PLS1: variants seen among roughly 807,000 people sequenced by gnomAD.
PLS1 encodes the protein plastin-1.
PLS1 carries 32 observed loss-of-function variants against 73.7 expected under a neutral mutation model. The observed-to-expected ratio is 0.43, with a 90% CI of 0.33 to 0.58. The LOEUF is 0.58. PLS1 is among the 20% of genes least tolerant of loss of function. The pLI is 0.04. For missense variants in PLS1, 633 were observed against 740.5 expected, an observed-to-expected ratio of 0.85 and a Z score of 1.68; for synonymous variants, 217 against 261.3, an observed-to-expected ratio of 0.83 and a Z score of 1.63.
chr3:142,694,420 C>G (rs369648536), intron 10 of PLS1, 49 bp from the exon 11 acceptor site: 2 of 1,176,426 alleles, frequency 1.7e-6, no homozygotes, highest in Non-Finnish European at 2.5e-6. Context: ...CATATAGTTC[C>G]TGGTTCCTTT....
intron 6 of PLS1, among the ~76,000 whole-genome samples, chr3:142,679,075 T>C (rs1485454993): frequency 2.6e-5 from 4 of 151,256 alleles, no homozygotes; most frequent in Admixed American, 6.6e-5. Context: ...TGTCTTCTTT[T>C]GAGAAGTGTC....
intron 1 of PLS1, among the ~76,000 whole-genome samples, chr3:142,651,959 A>G (rs570481350): frequency 6.6e-6 from 1 of 152,174 alleles, no homozygotes; most frequent in South Asian, 2.1e-4. Context: ...CACACTTCTG[A>G]CTTCCTGCCT....
At chr3:142,609,323 C>T (rs548135544) in intron 1 of PLS1, among the ~76,000 whole-genome samples, 1 of 152,296 alleles carries the variant, frequency 6.6e-6, no homozygotes, top group African/African-American at 2.4e-5. Context: ...GGGCAGCTCA[C>T]CTATATGCAA....
At chr3:142,635,220 T>G (rs558643824) in intron 1 of PLS1, among the ~76,000 whole-genome samples, 2 of 150,364 alleles carry the variant, frequency 1.3e-5, no homozygotes, top group Admixed American at 6.6e-5. Flanking sequence ...AGAAAGGAGA[T>G]AAAATGGAAT....
intron 11 of PLS1, among the ~76,000 whole-genome samples, chr3:142,696,648 C>A (rs949049219): frequency 2.6e-5 from 4 of 151,268 alleles, no homozygotes; most frequent in African/African-American, 9.7e-5. Flanking sequence ...TTTCTATGAC[C>A]AGTTCGTTCT....
chr3:142,669,072 G>A (rs371600856), intron 2 of PLS1, among the ~76,000 whole-genome samples: 1 of 151,916 alleles, frequency 6.6e-6, no homozygotes, highest in East Asian at 1.9e-4. Flanking sequence ...TAAGAGATGG[G>A]GTCTCACTCT....
chr3:142,671,197 A>G (rs2037597674), intron 4 of PLS1, 75 bp downstream of exon 4: 2 of 1,273,864 alleles, frequency 1.6e-6, no homozygotes, highest in Non-Finnish European at 2.3e-6. Flanking sequence ...CAGTTCTAAG[A>G]TGCCACTCAT....
intron 10 of PLS1, among the ~76,000 whole-genome samples, chr3:142,690,935 A>G (rs919135294): frequency 6.6e-6 from 1 of 152,108 alleles, no homozygotes; most frequent in Non-Finnish European, 1.5e-5. Context: ...GAAGGCGCCA[A>G]TCTTAAGATT....
intron 12 of PLS1, among the ~76,000 whole-genome samples, chr3:142,700,279 A>G (rs1329355445): frequency 1.3e-5 from 2 of 151,982 alleles, no homozygotes; most frequent in Non-Finnish European, 2.9e-5. Context: ...AAGCTGCACC[A>G]TTAAAATAGC....
In PLS1 at chr3:142,703,956, G is replaced by C; in HGVS notation, c.1460G>C (p.Gly487Ala). ...ATTGCTGGGCAGGACCTAAATGAAG[G>C]GAATTCAACACTTACCCTGGCATTG... The part of the protein sequence containing the change: ...VGIAGQDLNE[G>A]NSTLTLALVW... Residue 487 changes from glycine to alanine, a missense_variant, in exon 13 of 16, where the codon GGG (glycine) becomes GCG (alanine). By Grantham distance (60) the Gly-to-Ala change is moderately conservative. Transcript: ENST00000457734. The C allele has an allele frequency of 6.2e-7, 1 of 1,613,906 alleles. No individual in the cohort carries two copies. The highest frequency in any genetic ancestry group is 1.7e-5 in the Admixed American group (1 of 59,988).
intron 12 of PLS1, among the ~76,000 whole-genome samples, chr3:142,703,532 G>T (rs2038379741): frequency 6.6e-6 from 1 of 152,116 alleles, no homozygotes; most frequent in African/African-American, 2.4e-5. Context: ...TTGACCTCAG[G>T]TGATCCACCT....
In PLS1 at chr3:142,617,479, G is replaced by A. The variant is rs545187221; in HGVS notation, c.-37+20970G>A. Among the ~76,000 whole-genome samples the A allele has an allele frequency of 3.6e-4, 55 of 152,250 alleles. No individual in the cohort carries two copies. In the South Asian group the frequency reaches 5.8e-3, roughly 16 times the overall value. ...TGGGGCCTTGATCAGCATAGCAGAG[G>A]TCTCAGGTAGTTGGTGGGAGAAATG... On this transcript the variant is annotated intron_variant, in intron 1 of 15. Coordinates refer to ENST00000457734, the MANE Select transcript of PLS1 (RefSeq NM_001145319.2).
At position 142,669,106 on chromosome 3, in the gene PLS1, G is replaced by A. The variant is rs149701739; in HGVS notation, c.71-284G>A. On this transcript the variant is annotated intron_variant, in intron 2 of 15. Transcript: ENST00000457734. ...CTATTGCCTAAGTTGAGGGGCAGTG[G>A]TGCGATCATAGCTCACTACAGCCTC... 5.2e-4 allele frequency among the ~76,000 whole-genome samples: 79 copies of A among 152,238 alleles called. 1 individual carries two copies. In the East Asian group the frequency reaches 0.015, roughly 29 times the overall value.
Position 142,684,116 on chromosome 3 carries a change from C to T in PLS1, c.690C>T (p.Leu230=), listed in dbSNP as rs775592414. 6.2e-7 allele frequency: 1 copy of T among 1,614,014 alleles called. No homozygotes were observed. The highest frequency in any genetic ancestry group is 2.2e-5 in the East Asian group (1 of 44,882). ...AACCTCACTTGGTCTTGGGACTTCT[C>T]TGGCAGATCATCAAAGTTGGCCTTT... ...EGKPHLVLGL[L]WQIIKVGLFA... is the part of the protein sequence containing the mutation. Residue 230 remains leucine (L), a synonymous_variant, in exon 7 of 16, where the codon CTC becomes CTT. Transcript: ENST00000457734.
At chr3:142,631,270 T>C (rs551727901) in intron 1 of PLS1, among the ~76,000 whole-genome samples, 1 of 151,176 alleles carries the variant, frequency 6.6e-6, no homozygotes, top group East Asian at 1.9e-4. Flanking sequence ...TCCCAGCACT[T>C]TGGGAGGCCA....
intron 1 of PLS1, among the ~76,000 whole-genome samples, chr3:142,614,872 A>T (rs1431885839): frequency 6.6e-6 from 1 of 152,082 alleles, no homozygotes; most frequent in Non-Finnish European, 1.5e-5. Flanking sequence ...TCCTTCCTGG[A>T]GAAAGAGGGG....
intron 4 of PLS1, among the ~76,000 whole-genome samples, chr3:142,672,036 A>G (rs2037613692): frequency 6.6e-6 from 1 of 152,206 alleles, no homozygotes; most frequent in Admixed American, 6.5e-5. Context: ...TCTGCCTGTC[A>G]ATTCTACTGA....
intron 1 of PLS1, among the ~76,000 whole-genome samples, chr3:142,597,919 G>A (rs1421881957): frequency 1.3e-5 from 2 of 152,148 alleles, no homozygotes; most frequent in Non-Finnish European, 2.9e-5. Flanking sequence ...TTCAAAAAGT[G>A]CCCTTTCACT....
chr3:142,693,440 A>T (rs2038127561), intron 10 of PLS1, among the ~76,000 whole-genome samples: 1 of 152,224 alleles, frequency 6.6e-6, no homozygotes, highest in African/African-American at 2.4e-5. Flanking sequence ...TGTGAGTCTC[A>T]CATGGGCCAA....
Sources: allele counts gnomAD v4.1 joint callset (sites outside exome capture counted in the v4.1 genomes callset), GRCh38; gene constraint gnomAD v4.1.1; transcripts MANE v1.5; gene names NCBI Gene and HGNC (gene_info 2026-07-23, HGNC 2026-07-21).